Variants in NALF1 observed in about 807,000 individuals in gnomAD.
NALF1 encodes the protein NALCN channel auxiliary factor 1, also known as family with sequence similarity 155 member A.
Under a neutral mutation model 48.4 loss-of-function variants are expected in NALF1, and 3 were observed. That is an observed-to-expected ratio of 0.06 (90% CI 0.03 to 0.16). NALF1 has a LOEUF of 0.16. NALF1 is among the 10% of genes least tolerant of loss of function. NALF1 has a pLI of 1.00. For synonymous variants in NALF1, 262 were observed against 245.7 expected (o/e 1.07, Z -0.62); for missense variants, 526 against 571.5 (o/e 0.92, Z 0.81).
intron 1 of NALF1, among the ~76,000 whole-genome samples, chr13:107,490,611 T>C (rs1046893084): frequency 6.6e-6 from 1 of 152,010 alleles, no homozygotes; most frequent in African/African-American, 2.4e-5. Flanking sequence ...AACTAATGGG[T>C]ACGAGGCTTA....
chr13:107,422,862 G>C (rs942730519), intron 1 of NALF1, among the ~76,000 whole-genome samples: 4 of 152,224 alleles, frequency 2.6e-5, no homozygotes, highest in African/African-American at 7.2e-5. Flanking sequence ...TGAGGTCAGA[G>C]AGACAGATGC....
rs1413992410 is a variant in NALF1 at position 107,165,351 on chromosome 13, C to T, written c.*5146G>A. ...AATCCATTCAACTCTTCAAGTGTGT[C>T]TGAGACCTAGGGATCCCACTGTGCC... On this transcript the variant is annotated 3_prime_UTR_variant, in exon 3 of 3. Transcript: ENST00000375915. 1 of 152,162 alleles carries T rather than the reference C, an allele frequency of 6.6e-6. No individual in the cohort carries two copies. 9.4% of individuals were successfully genotyped at this position (152,162 alleles called of 1,614,324 possible).
intron 2 of NALF1, among the ~76,000 whole-genome samples, chr13:107,183,756 C>T (rs1879114827): frequency 6.6e-6 from 1 of 152,096 alleles, no homozygotes; most frequent in South Asian, 2.1e-4. Context: ...GAAAACCAAA[C>T]AACGCATGTT....
intron 2 of NALF1, among the ~76,000 whole-genome samples, chr13:107,176,486 C>CA (rs1461969985): frequency 3.7e-4 from 56 of 151,708 alleles, no homozygotes; most frequent in African/African-American, 1.3e-3. Flanking sequence ...ACTAAAAATA[C>CA]AAAAAATTAG....
At chr13:107,255,791 G>C (rs1412846435) in intron 1 of NALF1, among the ~76,000 whole-genome samples, 1 of 152,174 alleles carries the variant, frequency 6.6e-6, no homozygotes, top group African/African-American at 2.4e-5. Context: ...GTAAGTGACA[G>C]AGCCAAAAAT....
At chr13:107,856,786 C>T (rs1880449964) in intron 1 of NALF1, among the ~76,000 whole-genome samples, 1 of 152,070 alleles carries the variant, frequency 6.6e-6, no homozygotes, top group African/African-American at 2.4e-5. Flanking sequence ...ATTATGTAGC[C>T]CAACCTGCAA....
chr13:107,587,752 A>G (rs1878498351), intron 1 of NALF1, among the ~76,000 whole-genome samples: 1 of 152,114 alleles, frequency 6.6e-6, no homozygotes. Context: ...TCAACACTTG[A>G]CTAACTTATT....
At chr13:107,320,721 T>C (rs963654641) in intron 1 of NALF1, among the ~76,000 whole-genome samples, 6 of 152,228 alleles carry the variant, frequency 3.9e-5, no homozygotes, top group African/African-American at 1.2e-4. Flanking sequence ...AACTCACTCA[T>C]TGCATTGTTA....
At chr13:107,650,291 C>A (rs1163214761) in intron 1 of NALF1, among the ~76,000 whole-genome samples, 1 of 150,832 alleles carries the variant, frequency 6.6e-6, no homozygotes, top group Non-Finnish European at 1.5e-5. Flanking sequence ...AGGGGGCGAG[C>A]GATGAGGCTG....
At chr13:107,232,548 T>C (rs1045515527) in intron 1 of NALF1, among the ~76,000 whole-genome samples, 3 of 152,208 alleles carry the variant, frequency 2.0e-5, no homozygotes, top group Admixed American at 6.5e-5. Flanking sequence ...TTAAGAACTG[T>C]CACAAAGGAG....
chr13:107,628,142 T>C (rs1221793682), intron 1 of NALF1, among the ~76,000 whole-genome samples: 1 of 152,042 alleles, frequency 6.6e-6, no homozygotes, highest in Non-Finnish European at 1.5e-5. Context: ...GCAATGTTTG[T>C]TTTTAATGAA....
intron 1 of NALF1, among the ~76,000 whole-genome samples, chr13:107,578,698 TTAAAA>T (rs1396527621): frequency 2.0e-5 from 3 of 152,192 alleles, no homozygotes; most frequent in Non-Finnish European, 2.9e-5. Context: ...ATAGTACATA[TTAAAA>T]TGAGTTATCT....
At chr13:107,236,670 T>C (rs1278452182) in intron 1 of NALF1, among the ~76,000 whole-genome samples, 1 of 112,826 alleles carries the variant, frequency 8.9e-6, no homozygotes, top group Non-Finnish European at 1.8e-5. Context: ...TCCATCTGTC[T>C]GTCTATCTAT....
At chr13:107,680,046 C>T (rs555980531) in intron 1 of NALF1, among the ~76,000 whole-genome samples, 107 of 152,288 alleles carry the variant, frequency 7.0e-4, no homozygotes, top group South Asian at 3.7e-3. Context: ...TGGGAGACCT[C>T]CCAAGCATGG....
At chr13:107,321,741 C>T (rs1211280540) in intron 1 of NALF1, among the ~76,000 whole-genome samples, 1 of 152,092 alleles carries the variant, frequency 6.6e-6, no homozygotes, top group Non-Finnish European at 1.5e-5. Context: ...GCTCCAGGTC[C>T]TCCTAAATGG....
chr13:107,341,005 G>A lies in NALF1; in HGVS notation c.916-130250C>T, dbSNP rs1405139474. 2.0e-5 allele frequency among the ~76,000 whole-genome samples: 3 copies of A among 152,054 alleles called. 1 individual carries two copies. Among genetic ancestry groups the A allele is most frequent in the Non-Finnish European group, 4.4e-5 (3 of 67,998 alleles). ...GTCAGAAAGATTCAAGAAAAGTATT[G>A]TTACTGCCCAATTTTTTCATCTCCT... On this transcript the variant is annotated intron_variant, in intron 1 of 2. Coordinates refer to ENST00000375915, the MANE Select transcript of NALF1 (RefSeq NM_001080396.3).
chr13:107,789,629 A>C (rs1014590222), intron 1 of NALF1, among the ~76,000 whole-genome samples: 2 of 152,200 alleles, frequency 1.3e-5, no homozygotes, highest in African/African-American at 4.8e-5. Context: ...TAAGCATCAA[A>C]ATCATACTAA....
chr13:107,317,408 C>A (rs1035314892), intron 1 of NALF1, among the ~76,000 whole-genome samples: 1 of 151,986 alleles, frequency 6.6e-6, no homozygotes, highest in Non-Finnish European at 1.5e-5. Flanking sequence ...GACTTTTATC[C>A]ATTTTGTCTA....
At chr13:107,495,262 C>A (rs142660988) in intron 1 of NALF1, among the ~76,000 whole-genome samples, 5 of 152,054 alleles carry the variant, frequency 3.3e-5, no homozygotes, top group Non-Finnish European at 5.9e-5. Context: ...TAAAGAGATG[C>A]GCCAAATTAC....
Sources: gnomAD v4.1 joint callset for allele counts (sites outside exome capture counted in the v4.1 genomes callset) on GRCh38, gnomAD v4.1.1 for gene constraint, MANE v1.5 for transcripts, NCBI Gene and HGNC (gene_info 2026-07-23, HGNC 2026-07-21) for gene names.